The following KCNIP3 variants were observed in gnomAD, a reference collection of about 807,000 sequenced individuals.
KCNIP3 encodes the protein calsenilin.
In KCNIP3, 28 loss-of-function variants were observed where a neutral mutation model predicts 35.0. The ratio of observed to expected loss-of-function variants is 0.80; its 90% CI spans 0.59 to 1.10. The LOEUF is 1.10. KCNIP3 is among the 50% of genes least tolerant of loss of function. The pLI is 0.00. For missense variants in KCNIP3, 295 were observed against 338.4 expected (o/e 0.87, Z 1.01); for synonymous variants, 134 against 133.8 (o/e 1.00, Z -0.01).
intron 5 of KCNIP3, among the ~76,000 whole-genome samples, chr2:95,375,514 A>C (rs904405037): frequency 2.6e-4 from 39 of 151,872 alleles, no homozygotes; most frequent in African/African-American, 9.2e-4. Context: ...GGGAATTTGC[A>C]TTTTCAAAGG....
intron 2 of KCNIP3, among the ~76,000 whole-genome samples, chr2:95,314,616 G>A (rs1056716253): frequency 1.3e-5 from 2 of 152,212 alleles, no homozygotes; most frequent in South Asian, 2.1e-4. Flanking sequence ...TGCTCCCCTC[G>A]ATAATAGGGT....
intron 2 of KCNIP3, among the ~76,000 whole-genome samples, chr2:95,340,685 G>A (rs1679176289): frequency 6.6e-6 from 1 of 152,224 alleles, no homozygotes; most frequent in South Asian, 2.1e-4. Context: ...GGAAGAGACG[G>A]TTTCTTCTCC....
chr2:95,313,324 G>C (rs1431469359), intron 2 of KCNIP3: 1 of 152,386 alleles, frequency 6.6e-6, no homozygotes, highest in Non-Finnish European at 1.5e-5. Context: ...GCAAGGGCTA[G>C]AGCATCTGTG....
At chr2:95,346,883 G>A in intron 2 of KCNIP3, 3 of 358,462 alleles carry the variant, frequency 8.4e-6, no homozygotes, top group Non-Finnish European at 1.4e-5. Context: ...CAACCCAGCA[G>A]CCCCGCCTGC....
chr2:95,356,803 T>C (rs1269719369), intron 2 of KCNIP3, among the ~76,000 whole-genome samples: 2 of 152,168 alleles, frequency 1.3e-5, no homozygotes, highest in Non-Finnish European at 2.9e-5. Flanking sequence ...AGGAGGCACT[T>C]TTGGAGTGTA....
rs1470454119 is a variant in KCNIP3 at position 95,378,725 on chromosome 2, T to G, written c.448-2871T>G. ...TTGCACCACTGTACTCCATCCAGCCTGGGTGACAGAGTGAGACTCAATCTC... is the reference window on the plus strand; with the variant it reads ...TTGCACCACTGTACTCCATCCAGCCGGGGTGACAGAGTGAGACTCAATCTC... On this transcript the variant is annotated intron_variant, in intron 5 of 8. Coordinates refer to ENST00000295225, the MANE Select transcript of KCNIP3 (RefSeq NM_013434.5). This position sits in a 1 kb window ranked among gnomAD's most constrained non-coding sequence, Gnocchi z 4.0. Among the ~76,000 whole-genome samples the G allele has an allele frequency of 6.6e-6, 1 of 151,508 alleles. No individual in the cohort carries two copies. Among genetic ancestry groups the G allele is most frequent in the Non-Finnish European group, 1.5e-5 (1 of 67,942 alleles).
intron 1 of KCNIP3, among the ~76,000 whole-genome samples, chr2:95,306,810 C>A (rs574698643): frequency 6.6e-6 from 1 of 152,166 alleles, no homozygotes; most frequent in African/African-American, 2.4e-5. Flanking sequence ...GCCAGGGGGC[C>A]GCCTCTTAGG....
chr2:95,331,143 C>T lies in KCNIP3; in HGVS notation c.181+20623C>T, dbSNP rs1420280573. Among the ~76,000 whole-genome samples, 4 of 151,852 alleles carry T rather than the reference C, an allele frequency of 2.6e-5. No individual in the cohort carries two copies. In the East Asian group the frequency reaches 7.7e-4, roughly 29 times the overall value. The stretch of plus-strand genomic sequence containing the variant: ...GTGGAGGCTGAGCCCGAGGGGTAGG[C>T]GAGGGAGTGGCAGGGATTTGTGGCT... On this transcript the variant is annotated intron_variant, in intron 2 of 8. Coordinates refer to ENST00000295225, the MANE Select transcript of KCNIP3 (RefSeq NM_013434.5).
chr2:95,348,634 TGAG>T (rs1255983528), intron 2 of KCNIP3, among the ~76,000 whole-genome samples: 1 of 152,234 alleles, frequency 6.6e-6, no homozygotes, highest in East Asian at 1.9e-4. Flanking sequence ...TTGTGATTTC[TGAG>T]GAGGTTTCTT....
At chr2:95,357,128 A>G (rs527544319) in intron 2 of KCNIP3, among the ~76,000 whole-genome samples, 1 of 152,332 alleles carries the variant, frequency 6.6e-6, no homozygotes, top group East Asian at 1.9e-4. Context: ...CTCTACTGTC[A>G]CATACCTAGA....
intron 6 of KCNIP3, among the ~76,000 whole-genome samples, 173 bp downstream of exon 6, chr2:95,381,876 T>C (rs1353495583): frequency 1.3e-5 from 2 of 152,188 alleles, no homozygotes; most frequent in African/African-American, 4.8e-5. Flanking sequence ...GGCTCGGTCC[T>C]GGACACCCCG....
At chr2:95,307,590 C>T (rs1678207684) in intron 1 of KCNIP3, among the ~76,000 whole-genome samples, 1 of 152,216 alleles carries the variant, frequency 6.6e-6, no homozygotes, top group Admixed American at 6.5e-5. Flanking sequence ...TTGGGCTCAC[C>T]CAGCCTTCCC....
intron 2 of KCNIP3, among the ~76,000 whole-genome samples, chr2:95,331,961 T>G (rs1000030898): frequency 6.6e-6 from 1 of 152,216 alleles, no homozygotes; most frequent in African/African-American, 2.4e-5. Flanking sequence ...ATGCAGCGTC[T>G]GCATGTGAGA....
chr2:95,352,599 C>T (rs1418235166), intron 2 of KCNIP3, among the ~76,000 whole-genome samples: 3 of 152,100 alleles, frequency 2.0e-5, no homozygotes, highest in South Asian at 2.1e-4. Context: ...CCCTACCTCT[C>T]GAAGGAGTCT....
intron 2 of KCNIP3, among the ~76,000 whole-genome samples, chr2:95,354,749 G>A (rs1359978777): frequency 6.6e-6 from 1 of 152,238 alleles, no homozygotes; most frequent in East Asian, 1.9e-4. Flanking sequence ...CTTGGAGCAG[G>A]CCCAAGGGGC....
chr2:95,362,582 A>G (rs890574154), intron 2 of KCNIP3, among the ~76,000 whole-genome samples: 4 of 152,242 alleles, frequency 2.6e-5, no homozygotes, highest in African/African-American at 9.6e-5. Context: ...TAGTAAACAG[A>G]AATCTGCATA....
intron 2 of KCNIP3, among the ~76,000 whole-genome samples, chr2:95,315,426 G>T (rs1200698679): frequency 6.6e-6 from 1 of 152,154 alleles, no homozygotes; most frequent in African/African-American, 2.4e-5. Flanking sequence ...GTGCCTCCTC[G>T]GCCCCAGCGC....
intron 2 of KCNIP3, among the ~76,000 whole-genome samples, chr2:95,356,450 T>C (rs1481465744): frequency 6.6e-6 from 1 of 152,226 alleles, no homozygotes; most frequent in Non-Finnish European, 1.5e-5. Flanking sequence ...TGGTATTGCC[T>C]AGGTTTTCTT....
rs570490953 is a variant in KCNIP3 at position 95,383,901 on chromosome 2, C to T, written c.724-101C>T. 1.1e-5 allele frequency: 11 copies of T among 968,770 alleles called. No homozygotes were observed. In the South Asian group the frequency reaches 1.4e-4, roughly 13 times the overall value. 60.0% of individuals were successfully genotyped at this position (968,770 alleles called of 1,614,324 possible). On this transcript the variant is annotated intron_variant, in intron 8 of 8. Coordinates refer to ENST00000295225, the MANE Select transcript of KCNIP3 (RefSeq NM_013434.5). ...GCACCCAATAAGACAGACAGACAGGCAGTCGCTGCAGGCTCCGAGTCCCTG... is the reference window on the plus strand; with the variant it reads ...GCACCCAATAAGACAGACAGACAGGTAGTCGCTGCAGGCTCCGAGTCCCTG...
Sources: gnomAD v4.1 joint callset for allele counts (sites outside exome capture counted in the v4.1 genomes callset) on GRCh38, gnomAD v4.1.1 for gene constraint, Gnocchi (gnomAD v3.1) non-coding constraint, MANE v1.5 for transcripts, NCBI Gene and HGNC (gene_info 2026-07-23, HGNC 2026-07-21) for gene names.